AFF3: variants seen among roughly 807,000 people sequenced by gnomAD.
The protein encoded by AFF3 is AF4/FMR2 family member 3.
AFF3 carries 32 observed loss-of-function variants against 129.7 expected under a neutral mutation model. That is an observed-to-expected ratio of 0.25 (90% confidence interval 0.19 to 0.33). AFF3 has a LOEUF of 0.33. AFF3 is among the 10% of genes least tolerant of loss of function. The pLI is 1.00. For missense variants in AFF3, 1,373 were observed against 1,592.0 expected (o/e 0.86, Z 2.34); for synonymous variants, 644 against 635.4 (o/e 1.01, Z -0.20).
chr2:99,988,803 G>A (rs192544517), intron 7 of AFF3, among the ~76,000 whole-genome samples: 1 of 152,246 alleles, frequency 6.6e-6, no homozygotes, highest in African/African-American at 2.4e-5. Flanking sequence ...AGGACAAAAG[G>A]AGCTATTGGA....
intron 22 of AFF3, among the ~76,000 whole-genome samples, chr2:99,557,076 CG>C (rs1303531077): frequency 1.3e-5 from 2 of 151,964 alleles, no homozygotes; most frequent in African/African-American, 2.4e-5. Flanking sequence ...ATCACAAAAA[CG>C]GTAAGTATGT....
At chr2:99,744,774 T>C (rs904710254) in intron 9 of AFF3, among the ~76,000 whole-genome samples, 1 of 152,230 alleles carries the variant, frequency 6.6e-6, no homozygotes, top group Non-Finnish European at 1.5e-5. Flanking sequence ...AATGTGTTTA[T>C]CCATTCATCT....
At position 99,846,064 on chromosome 2, in the gene AFF3, C is replaced by T. The variant is rs191780152; in HGVS notation, c.874-8540G>A. Among the ~76,000 whole-genome samples the T allele has an allele frequency of 2.6e-5, 4 of 152,154 alleles. No individual in the cohort carries two copies. The East Asian group carries it at 7.7e-4, about 29-fold the overall frequency. On this transcript the variant is annotated intron_variant, in intron 7 of 24. Coordinates refer to ENST00000672756, the MANE Select transcript of AFF3 (RefSeq NM_001386135.1). Reference sequence around the variant, plus strand: ...AGCCAGGATGGTCTCGATCTCCTGACCTCGTGATCCACCTGCCTCAGCCTC... The same window carrying T: ...AGCCAGGATGGTCTCGATCTCCTGATCTCGTGATCCACCTGCCTCAGCCTC...
chr2:100,083,644 G>A (rs546385955), intron 4 of AFF3, among the ~76,000 whole-genome samples: 20 of 152,276 alleles, frequency 1.3e-4, no homozygotes, highest in Admixed American at 5.2e-4. Flanking sequence ...CCACCCTCAC[G>A]GAAGCGGGGT....
chr2:99,963,093 T>C (rs952559745), intron 7 of AFF3, among the ~76,000 whole-genome samples: 7 of 152,026 alleles, frequency 4.6e-5, no homozygotes, highest in African/African-American at 1.2e-4. Context: ...CATATGATAG[T>C]AGATTTCTTG....
chr2:99,628,431 T>C (rs1682800222), intron 13 of AFF3, among the ~76,000 whole-genome samples: 1 of 152,214 alleles, frequency 6.6e-6, no homozygotes, highest in Non-Finnish European at 1.5e-5. Flanking sequence ...TTTGCTGAAG[T>C]TGCTCATCAG....
intron 7 of AFF3, among the ~76,000 whole-genome samples, chr2:99,993,240 G>A (rs59644088): frequency 0.028 from 4,337 of 152,222 alleles, 123 homozygotes; most frequent in African/African-American, 0.071. Flanking sequence ...AATATGTAAC[G>A]GAGATGCTTC....
In AFF3 at chr2:99,612,611, C is replaced by T. The variant is rs1243674534; in HGVS notation, c.1185-10990G>A. 3.3e-5 allele frequency among the ~76,000 whole-genome samples: 5 copies of T among 152,344 alleles called. No homozygotes were observed. The South Asian group carries it at 8.3e-4, about 25-fold the overall frequency. ...ATGGGCTTTCCAGGATTCCAGTTAG[C>T]TGGGGACAGAGAAATGGATTGGAAT... On this transcript the variant is annotated intron_variant, in intron 13 of 24. Coordinates refer to ENST00000672756, the MANE Select transcript of AFF3 (RefSeq NM_001386135.1).
At position 100,008,835 on chromosome 2, in the gene AFF3, A is replaced by G; in HGVS notation, c.151T>C (p.Ser51Pro). 1 of 1,614,090 alleles carries G rather than the reference A, an allele frequency of 6.2e-7. No individual in the cohort carries two copies. Among genetic ancestry groups the G allele is most frequent in the South Asian group, 1.1e-5 (1 of 91,026 alleles). The part of the protein sequence containing the change: ...QDDGTFNSSY[S>P]LFSEPYKTNK... ...ACCTTGTAGGGCTCACTGAAGAGAG[A>G]GTAACTAGAATTAAACGTGCCATCA... Residue 51 changes from serine to proline, a missense_variant, in exon 5 of 25, where the codon TCT (serine) becomes CCT (proline). Ser to Pro is a moderately conservative substitution (Grantham distance 74). Transcript: ENST00000672756.
chr2:99,590,361 G>A (rs1264127400), intron 15 of AFF3, among the ~76,000 whole-genome samples: 1 of 152,210 alleles, frequency 6.6e-6, no homozygotes, highest in Non-Finnish European at 1.5e-5. Context: ...GTGAGTCAAA[G>A]CTCCATATGC....
At position 100,104,737 on chromosome 2, in the gene AFF3, C is replaced by A. The variant is rs1276949454; in HGVS notation, c.-64-219G>T. The A allele has an allele frequency of 1.4e-5, 14 of 969,550 alleles. No individual in the cohort carries two copies. The African/African-American group carries it at 1.8e-4, about 13-fold the overall frequency. The allele number at this position is 969,550 out of a possible 1,614,324, so 60.1% of individuals were successfully genotyped here. A position where few individuals can be genotyped will look rare whatever the true frequency, so the allele number is the denominator to read the frequency against. On this transcript the variant is annotated intron_variant, in intron 3 of 24. Transcript: ENST00000672756. ...AGCTCGCCGCGCCGCCGCCGCCCCC[C>A]GCCCCCGGCCCTGCGCCCGCCCCTC... is the stretch of plus-strand genomic sequence containing the variant.
chr2:99,835,640 A>T (rs946507568), intron 8 of AFF3, among the ~76,000 whole-genome samples: 8 of 152,070 alleles, frequency 5.3e-5, no homozygotes, highest in African/African-American at 1.9e-4. Context: ...CGCCACCATC[A>T]TCTCTCTTTC....
At chr2:100,045,932 T>C (rs1331557063) in intron 4 of AFF3, among the ~76,000 whole-genome samples, 1 of 152,172 alleles carries the variant, frequency 6.6e-6, no homozygotes, top group Non-Finnish European at 1.5e-5. Flanking sequence ...CAGTCAACAT[T>C]AAGCTATTCA....
At chr2:99,688,413 C>T (rs2104627239) in intron 11 of AFF3, among the ~76,000 whole-genome samples, 1 of 152,276 alleles carries the variant, frequency 6.6e-6, no homozygotes, top group South Asian at 2.1e-4. Context: ...GATGCTTGAC[C>T]AGCAAAAGCA....
chr2:99,592,936 C>CT lies in AFF3; in HGVS notation c.2466+258_2466+259insA, dbSNP rs1391714934. ...GGGCGACAGAGTGAGACTCCCTCCC[C>CT]CCCCCCCAAAAAAAGGGATAATAAT... is the stretch of plus-strand genomic sequence containing the variant. On this transcript the variant is annotated intron_variant, in intron 15 of 24. Coordinates refer to ENST00000672756, the MANE Select transcript of AFF3 (RefSeq NM_001386135.1). Among the ~76,000 whole-genome samples the CT allele has an allele frequency of 1.9e-3, 166 of 86,496 alleles. 1 individual carries two copies. Among genetic ancestry groups the CT allele is most frequent in the Middle Eastern group, 0.017 (3 of 180 alleles). The allele number at this position is 86,496 out of a possible 152,430, so 56.7% of individuals were successfully genotyped here. A position where few individuals can be genotyped will look rare whatever the true frequency, so the allele number is the denominator to read the frequency against.
intron 10 of AFF3, among the ~76,000 whole-genome samples, chr2:99,729,990 A>T (rs1679683024): frequency 6.6e-6 from 1 of 152,208 alleles, no homozygotes; most frequent in African/African-American, 2.4e-5. Flanking sequence ...GGAAAGAACT[A>T]TATATGCAAA....
At chr2:99,626,499 T>G (rs1682593464) in intron 13 of AFF3, among the ~76,000 whole-genome samples, 1 of 103,938 alleles carries the variant, frequency 9.6e-6, no homozygotes, top group Non-Finnish European at 2.1e-5. Flanking sequence ...TCCCCTTCCT[T>G]CCCTTCCCTT....
At chr2:99,698,471 T>C (rs571138823) in intron 11 of AFF3, among the ~76,000 whole-genome samples, 7 of 152,220 alleles carry the variant, frequency 4.6e-5, no homozygotes, top group Non-Finnish European at 1.0e-4. Context: ...TGGCTAACCA[T>C]GTTTATGCAA....
At chr2:99,682,127 G>A (rs568427268) in intron 11 of AFF3, among the ~76,000 whole-genome samples, 12 of 151,980 alleles carry the variant, frequency 7.9e-5, no homozygotes, top group Non-Finnish European at 1.0e-4. Context: ...GGCTGGTCTC[G>A]AACTCCTGAC....
Sources: gnomAD v4.1 joint callset for allele counts (sites outside exome capture counted in the v4.1 genomes callset) on GRCh38, gnomAD v4.1.1 for gene constraint, MANE v1.5 for transcripts, NCBI Gene and HGNC (gene_info 2026-07-23, HGNC 2026-07-21) for gene names.